Variants in TMTC4 observed in about 807,000 individuals in gnomAD.
The protein encoded by TMTC4 is transmembrane O-mannosyltransferase targeting cadherins 4.
In TMTC4, 65 loss-of-function variants were observed where a neutral mutation model predicts 86.0. The observed-to-expected ratio is 0.76, with a 90% CI of 0.62 to 0.93. The LOEUF is 0.93. TMTC4 is among the 40% of genes least tolerant of loss of function. The pLI, the probability that TMTC4 is intolerant of heterozygous loss-of-function variation, is 0.00. For missense variants in TMTC4, 866 were observed against 948.1 expected, an observed-to-expected ratio of 0.91 and a Z score of 1.14; for synonymous variants, 379 against 382.5, an observed-to-expected ratio of 0.99 and a Z score of 0.11.
intron 5 of TMTC4, among the ~76,000 whole-genome samples, chr13:100,658,960 G>A (rs564235983): frequency 6.6e-6 from 1 of 152,314 alleles, no homozygotes; most frequent in South Asian, 2.1e-4. Context: ...GTTTGAGAAT[G>A]TACATAAGCA....
chr13:100,673,965 T>G, intron 1 of TMTC4: 1 of 928,758 alleles, frequency 1.1e-6, no homozygotes. Context: ...GTGGGATGAC[T>G]CATAGTGGCT....
chr13:100,621,342 A>G (rs1309982180), intron 15 of TMTC4, among the ~76,000 whole-genome samples: 1 of 152,248 alleles, frequency 6.6e-6, no homozygotes, highest in Non-Finnish European at 1.5e-5. Context: ...GGCTGTGGGC[A>G]GACCCACTCA....
intron 6 of TMTC4, 131 bp downstream of exon 6, chr13:100,656,250 A>G: frequency 1.5e-6 from 1 of 677,820 alleles, no homozygotes; most frequent in Non-Finnish European, 2.4e-6. Flanking sequence ...GAGTTTATGC[A>G]TCCTCTGGCC....
chr13:100,673,918 C>T (rs891616402), intron 1 of TMTC4: 1 of 532,072 alleles, frequency 1.9e-6, no homozygotes, highest in East Asian at 1.5e-4. Context: ...ACATTCTCCC[C>T]ATGCATTTAT....
At chr13:100,636,873 T>A in intron 9 of TMTC4, 139 bp from the exon 10 acceptor site, 1 of 825,858 alleles carries the variant, frequency 1.2e-6, no homozygotes, top group South Asian at 1.7e-5. Context: ...GTTGCCAACG[T>A]GTATTGGGTA....
At chr13:100,646,566 T>TA (rs1036788438) in intron 6 of TMTC4, among the ~76,000 whole-genome samples, 10 of 152,198 alleles carry the variant, frequency 6.6e-5, no homozygotes, top group African/African-American at 2.4e-4. Flanking sequence ...TCTGGGTTGT[T>TA]AGATTATTCT....
At chr13:100,640,226 T>C (rs920827484) in intron 7 of TMTC4, among the ~76,000 whole-genome samples, 6 of 151,878 alleles carry the variant, frequency 4.0e-5, no homozygotes, top group African/African-American at 1.5e-4. Context: ...GTTGTCACAA[T>C]TGAGAGGTCC....
Position 100,663,009 on chromosome 13 carries a change from C to A in TMTC4, c.507G>T (p.Leu169=), listed in dbSNP as rs1594370219. Residue 169 remains leucine (L), a synonymous_variant, in exon 5 of 19, where the codon CTG becomes CTT. Coordinates refer to ENST00000342624, the MANE Select transcript of TMTC4 (RefSeq NM_032813.5). ...RRLHLAPRAS[L]LAALLFAVHP... The stretch of plus-strand genomic sequence containing the variant: ...GGACAGCAAACAGCAGCGCGGCCAG[C>A]AGGGACGCCCTGGGGGCGAGGTGCA... 3.7e-6 allele frequency: 6 copies of A among 1,614,110 alleles called. No homozygotes were observed. In the South Asian group the frequency reaches 6.6e-5, roughly 18 times the overall value.
chr13:100,656,046 A>C (rs1885067572), intron 6 of TMTC4, among the ~76,000 whole-genome samples: 1 of 152,218 alleles, frequency 6.6e-6, no homozygotes, highest in Non-Finnish European at 1.5e-5. Context: ...TAGAACATCA[A>C]AACAGGACAG....
At chr13:100,669,172 TAATA>T (rs1435633262) in intron 2 of TMTC4, among the ~76,000 whole-genome samples, 1 of 152,156 alleles carries the variant, frequency 6.6e-6, no homozygotes, top group South Asian at 2.1e-4. Flanking sequence ...CCAGAAAAAT[TAATA>T]AATAGTCATT....
At chr13:100,670,265 G>A (rs1886921692) in intron 2 of TMTC4, 95 bp downstream of exon 2, 1 of 1,444,254 alleles carries the variant, frequency 6.9e-7, no homozygotes, top group Non-Finnish European at 9.4e-7. Flanking sequence ...TCAATAAGAA[G>A]CCAGCCAAAT....
intron 6 of TMTC4, among the ~76,000 whole-genome samples, chr13:100,655,016 A>AT (rs35965658): frequency 0.49 from 58,705 of 118,908 alleles, 14,619 homozygotes; most frequent in East Asian, 0.58. Flanking sequence ...CACAACGCCT[A>AT]TTTTTTTTTT....
At chr13:100,669,927 G>A (rs1482560855) in intron 2 of TMTC4, among the ~76,000 whole-genome samples, 1 of 152,140 alleles carries the variant, frequency 6.6e-6, no homozygotes, top group Non-Finnish European at 1.5e-5. Flanking sequence ...CTAAAATGGG[G>A]ATGGTAAGAG....
At chr13:100,633,224 G>A (rs911767741) in intron 12 of TMTC4, among the ~76,000 whole-genome samples, 1 of 146,628 alleles carries the variant, frequency 6.8e-6, no homozygotes, top group Non-Finnish European at 1.5e-5. Flanking sequence ...CAGGAGAATC[G>A]CTTGAACCTG....
At position 100,656,466 on chromosome 13, in the gene TMTC4, A is replaced by G; in HGVS notation, c.555T>C (p.Val185=). ...GGTCTGCACGGCCGACAACACCAGC[A>G]ACCTTAAAAAAGGGGGAAGAAAACA... ...FAVHPVHTEC[V]AGVVGRADLL... Residue 185 remains valine (V), a splice_region_variant and synonymous_variant, in exon 6 of 19, where the codon GTT becomes GTC. Coordinates refer to ENST00000342624, the MANE Select transcript of TMTC4 (RefSeq NM_032813.5). 1 of 1,600,410 alleles carries G rather than the reference A, an allele frequency of 6.2e-7. No homozygotes were observed. The highest frequency in any genetic ancestry group is 8.5e-7 in the Non-Finnish European group (1 of 1,174,444).
intron 15 of TMTC4, chr13:100,614,911 G>A (rs1047327820): frequency 2.0e-6 from 2 of 985,032 alleles, no homozygotes; most frequent in Non-Finnish European, 2.4e-6. Flanking sequence ...ATGATCAAAA[G>A]CTATGTGTCC....
At chr13:100,628,717 A>C (rs1880905917) in intron 12 of TMTC4, among the ~76,000 whole-genome samples, 1 of 152,184 alleles carries the variant, frequency 6.6e-6, no homozygotes, top group African/African-American at 2.4e-5. Flanking sequence ...GTCACCTTGG[A>C]ACGAGGGCAT....
intron 5 of TMTC4, among the ~76,000 whole-genome samples, chr13:100,660,330 CAAAAAAAA>C (rs56177115): frequency 4.6e-5 from 6 of 131,112 alleles, no homozygotes; most frequent in Non-Finnish European, 3.2e-5. Context: ...GACTGTGTAT[CAAAAAAAA>C]AAAAAAAAAA....
intron 10 of TMTC4, 63 bp downstream of exon 10, chr13:100,636,469 G>GGATTTCACAAAACGCTTCT (rs1882219728): frequency 2.5e-6 from 4 of 1,581,570 alleles, no homozygotes; most frequent in Non-Finnish European, 3.5e-6. Flanking sequence ...GATCAGCGCA[G>GGATTTCACAAAACGCTTCT]GATTTCACAA....
Sources: gnomAD v4.1 joint callset for allele counts (sites outside exome capture counted in the v4.1 genomes callset) on GRCh38, gnomAD v4.1.1 for gene constraint, MANE v1.5 for transcripts, NCBI Gene and HGNC (gene_info 2026-07-23, HGNC 2026-07-21) for gene names.